The following LIPI variants were observed in gnomAD, a reference collection of about 807,000 sequenced individuals.
LIPI encodes the protein lipase I, also known as lipase member I.
A neutral mutation model predicts 50.6 loss-of-function variants in LIPI; 59 were observed. The ratio of observed to expected loss-of-function variants is 1.16; its 90% CI spans 0.94 to 1.45. The LOEUF is 1.45. Ranked by LOEUF, LIPI falls within the 40% of genes most tolerant of loss-of-function variation. The probability of loss-of-function intolerance (pLI) is 0.00; values close to 1 mark genes in which losing one functional copy is unlikely to be tolerated. For synonymous variants in LIPI, 203 were observed against 178.2 expected (o/e 1.14, Z -1.11); for missense variants, 586 against 536.3 (o/e 1.09, Z -0.92).
chr21:14,122,148 G>A (rs567167380), intron 9 of LIPI, among the ~76,000 whole-genome samples: 30 of 152,282 alleles, frequency 2.0e-4, no homozygotes, highest in African/African-American at 7.0e-4. Context: ...ATGCTAACAG[G>A]CACGGGAGGA....
intron 1 of LIPI, among the ~76,000 whole-genome samples, chr21:14,194,597 A>C (rs423858): frequency 0.18 from 26,801 of 152,112 alleles, 2,826 homozygotes; most frequent in South Asian, 0.29. Context: ...AGATCAGTCA[A>C]ATTTATAGAG....
intron 1 of LIPI, among the ~76,000 whole-genome samples, 188 bp from the exon 2 acceptor site, chr21:14,189,607 A>C (rs2019593874): frequency 6.6e-6 from 1 of 152,198 alleles, no homozygotes; most frequent in Non-Finnish European, 1.5e-5. Context: ...TTTCTGAACC[A>C]AAAGTAATGG....
chr21:14,200,300 G>A (rs1422685433), intron 1 of LIPI, among the ~76,000 whole-genome samples: 2 of 152,060 alleles, frequency 1.3e-5, no homozygotes, highest in African/African-American at 4.8e-5. Context: ...TAGGGAGAGA[G>A]GAAGATGAAC....
At chr21:14,171,695 C>A (rs996000728) in intron 4 of LIPI, among the ~76,000 whole-genome samples, 1 of 151,826 alleles carries the variant, frequency 6.6e-6, no homozygotes, top group Non-Finnish European at 1.5e-5. Context: ...CCCTTCCTTA[C>A]ACCTTATACA....
intron 4 of LIPI, among the ~76,000 whole-genome samples, chr21:14,171,249 ATG>A (rs1329953935): frequency 4.7e-5 from 7 of 149,242 alleles, no homozygotes; most frequent in African/African-American, 1.7e-4. Flanking sequence ...TTCCATGCTC[ATG>A]GGTAGGAAGA....
At chr21:14,142,011 T>G (rs1407727005) in intron 9 of LIPI, among the ~76,000 whole-genome samples, 1 of 152,192 alleles carries the variant, frequency 6.6e-6, no homozygotes, top group Admixed American at 6.6e-5. Flanking sequence ...ACTTTACATT[T>G]AGAAGGTATT....
intron 4 of LIPI, among the ~76,000 whole-genome samples, chr21:14,173,433 G>A (rs2018989363): frequency 6.6e-6 from 1 of 152,194 alleles, no homozygotes; most frequent in Admixed American, 6.5e-5. Context: ...GACCACTGGT[G>A]AATGTACAGA....
intron 4 of LIPI, among the ~76,000 whole-genome samples, chr21:14,177,943 C>T (rs2019150874): frequency 6.6e-6 from 1 of 151,980 alleles, no homozygotes; most frequent in Admixed American, 6.6e-5. Flanking sequence ...TTAAATTTGT[C>T]TGAAATAAAA....
intron 9 of LIPI, among the ~76,000 whole-genome samples, chr21:14,111,397 AAT>A (rs972733120): frequency 1.3e-5 from 2 of 152,026 alleles, no homozygotes; most frequent in African/African-American, 4.8e-5. Flanking sequence ...TCTTTTGAAA[AAT>A]GTGTTTTCAG....
At chr21:14,116,073 G>T (rs939908901) in intron 9 of LIPI, among the ~76,000 whole-genome samples, 4 of 152,094 alleles carry the variant, frequency 2.6e-5, no homozygotes, top group Admixed American at 2.0e-4. Context: ...CATTTCACCT[G>T]ATGAGGAGTC....
At chr21:14,166,701 A>G (rs2018698824) in intron 4 of LIPI, among the ~76,000 whole-genome samples, 1 of 152,178 alleles carries the variant, frequency 6.6e-6, no homozygotes, top group Non-Finnish European at 1.5e-5. Context: ...GTATGACCGC[A>G]TAAGTGAAAA....
At chr21:14,128,349 A>G (rs181471722) in intron 9 of LIPI, among the ~76,000 whole-genome samples, 3 of 152,236 alleles carry the variant, frequency 2.0e-5, no homozygotes, top group East Asian at 3.9e-4. Flanking sequence ...TAAAAACAAA[A>G]GAAAAATAAA....
At chr21:14,210,477 T>G (rs1377139468) in intron 1 of LIPI, among the ~76,000 whole-genome samples, 1 of 152,116 alleles carries the variant, frequency 6.6e-6, no homozygotes, top group East Asian at 1.9e-4. Context: ...AATACCAAAT[T>G]AATTTCTCCA....
chr21:14,171,563 A>G (rs938918813), intron 4 of LIPI, among the ~76,000 whole-genome samples: 1 of 150,520 alleles, frequency 6.6e-6, no homozygotes, highest in East Asian at 2.0e-4. Flanking sequence ...ACAATGCCGC[A>G]TATCTACAAC....
At chr21:14,130,852 A>G (rs1269059544) in intron 9 of LIPI, among the ~76,000 whole-genome samples, 1 of 152,124 alleles carries the variant, frequency 6.6e-6, no homozygotes, top group Non-Finnish European at 1.5e-5. Context: ...GTCCCAGTGC[A>G]TTGCTCCACC....
At chr21:14,130,072 A>C (rs1600841997) in intron 9 of LIPI, among the ~76,000 whole-genome samples, 1 of 152,154 alleles carries the variant, frequency 6.6e-6, no homozygotes, top group South Asian at 2.1e-4. Context: ...CAAACTTTGT[A>C]AAATTGTAAA....
At chr21:14,202,710 G>T (rs2020099268) in intron 1 of LIPI, among the ~76,000 whole-genome samples, 1 of 152,070 alleles carries the variant, frequency 6.6e-6, no homozygotes, top group South Asian at 2.1e-4. Context: ...TTAAATGTTA[G>T]ACCTAAAACC....
At chr21:14,117,626 C>G (rs566144761) in intron 9 of LIPI, among the ~76,000 whole-genome samples, 46 of 152,092 alleles carry the variant, frequency 3.0e-4, no homozygotes, top group Admixed American at 8.5e-4. Flanking sequence ...GATGAAAGCC[C>G]CAGTGAGTTC....
rs1183604336 is a variant in LIPI at position 14,161,604 on chromosome 21, T to TGTATA, written c.1006+1814_1006+1815insTATAC. Among the ~76,000 whole-genome samples the TGTATA allele has an allele frequency of 1.3e-4, 15 of 118,844 alleles. 2 individuals carry two copies. The highest frequency in any genetic ancestry group is 5.1e-4 in the African/African-American group (15 of 29,700). 78.0% of individuals were successfully genotyped at this position (118,844 alleles called of 152,430 possible). A position where few individuals can be genotyped will look rare whatever the true frequency, so the allele number is the denominator to read the frequency against. On this transcript the variant is annotated intron_variant, in intron 7 of 9. Coordinates refer to ENST00000681601, the MANE Select transcript of LIPI (RefSeq NM_001302998.2). ...AATATATATCTATATAATATATTAA[T>TGTATA]ATATAATATACATATATAATATATT...
Sources: gnomAD v4.1 joint callset for allele counts (sites outside exome capture counted in the v4.1 genomes callset) on GRCh38, gnomAD v4.1.1 for gene constraint, MANE v1.5 for transcripts, NCBI Gene and HGNC (gene_info 2026-07-23, HGNC 2026-07-21) for gene names.